The following GALNT13 variants were observed in gnomAD, a reference collection of about 807,000 sequenced individuals.
The protein encoded by GALNT13 is polypeptide N-acetylgalactosaminyltransferase 13, also known as UDP-GalNAc:polypeptide N-acetylgalactosaminyltransferase 13.
In GALNT13, 28 loss-of-function variants were observed where a neutral mutation model predicts 64.2. The observed-to-expected ratio is 0.44, with a 90% CI of 0.32 to 0.60. The LOEUF (loss-of-function observed/expected upper bound fraction) is 0.60. GALNT13 is among the 20% of genes least tolerant of loss of function. The pLI is 0.05. For synonymous variants in GALNT13, 214 were observed against 224.6 expected, an observed-to-expected ratio of 0.95 and a Z score of 0.42; for missense variants, 577 against 669.8, an observed-to-expected ratio of 0.86 and a Z score of 1.53.
chr2:154,272,123 C>T (rs988565857), intron 8 of GALNT13, among the ~76,000 whole-genome samples: 1 of 151,662 alleles, frequency 6.6e-6, no homozygotes, highest in Non-Finnish European at 1.5e-5. Context: ...AGGGCTTATC[C>T]AGAAATACAC....
chr2:153,848,828 T>C, the GALNT13 span, among the ~76,000 whole-genome samples: 1 of 151,750 alleles, frequency 6.6e-6, no homozygotes, highest in African/African-American at 2.4e-5. Context: ...ATTGAAAACC[T>C]TTCCACAAAG....
At chr2:154,383,560 G>C (rs1698374408) in intron 9 of GALNT13, among the ~76,000 whole-genome samples, 1 of 151,792 alleles carries the variant, frequency 6.6e-6, no homozygotes, top group Non-Finnish European at 1.5e-5. Context: ...TAGTCTTCCT[G>C]GGTCATACTG....
At chr2:153,332,537 T>TG in the GALNT13 span, among the ~76,000 whole-genome samples, 4 of 151,298 alleles carry the variant, frequency 2.6e-5, no homozygotes, top group Admixed American at 6.6e-5. Flanking sequence ...GAGTATTGTT[T>TG]TTTTTTTTTT....
intron 3 of GALNT13, among the ~76,000 whole-genome samples, chr2:154,004,068 T>C (rs2105228550): frequency 6.6e-6 from 1 of 152,340 alleles, no homozygotes; most frequent in Admixed American, 6.5e-5. Flanking sequence ...CTAATACCTT[T>C]CATTAGACCT....
the GALNT13 span, among the ~76,000 whole-genome samples, chr2:153,789,725 C>T: frequency 0.24 from 35,774 of 151,974 alleles, 4,516 homozygotes; most frequent in Non-Finnish European, 0.28. Flanking sequence ...TCCAAATAAA[C>T]ACCATCAGAA....
chr2:154,187,779 T>G (rs754029272), intron 4 of GALNT13, among the ~76,000 whole-genome samples: 3 of 152,142 alleles, frequency 2.0e-5, no homozygotes, highest in Admixed American at 6.5e-5. Context: ...TACAAAATAT[T>G]AAAATGGCAT....
chr2:154,439,041 A>G (rs1701146079), intron 12 of GALNT13, among the ~76,000 whole-genome samples: 1 of 152,166 alleles, frequency 6.6e-6, no homozygotes. Context: ...TTGTATGAAG[A>G]TGTGCATACA....
intron 9 of GALNT13, among the ~76,000 whole-genome samples, chr2:154,385,932 A>C (rs1319165816): frequency 6.6e-6 from 1 of 152,074 alleles, no homozygotes. Context: ...GAGTCCACAA[A>C]AGAAATTACT....
chr2:154,427,679 T>G (rs2105440242), intron 11 of GALNT13, among the ~76,000 whole-genome samples: 1 of 152,260 alleles, frequency 6.6e-6, no homozygotes, highest in East Asian at 1.9e-4. Context: ...TTTAGAGCAT[T>G]AAAGCTGTAA....
intron 9 of GALNT13, among the ~76,000 whole-genome samples, chr2:154,373,194 T>C (rs1697797837): frequency 6.6e-6 from 1 of 152,168 alleles, no homozygotes. Flanking sequence ...TTATTCCAGA[T>C]GCTAAGATTA....
chr2:154,038,751 A>C (rs1292259472), intron 3 of GALNT13, among the ~76,000 whole-genome samples: 1 of 152,146 alleles, frequency 6.6e-6, no homozygotes, highest in Non-Finnish European at 1.5e-5. Context: ...TCAAAACAAA[A>C]ATCAGCAAAA....
chr2:154,409,746 T>C (rs1448199741), intron 11 of GALNT13, among the ~76,000 whole-genome samples: 1 of 151,968 alleles, frequency 6.6e-6, no homozygotes, highest in East Asian at 1.9e-4. Flanking sequence ...TTGAGGTAGC[T>C]AATCCTCTGT....
At chr2:154,107,481 T>C (rs1443433635) in intron 3 of GALNT13, among the ~76,000 whole-genome samples, 1 of 151,200 alleles carries the variant, frequency 6.6e-6, no homozygotes, top group African/African-American at 2.4e-5. Context: ...TCCCAGCTAC[T>C]TGGGAGGCTG....
At chr2:153,629,198 T>C in the GALNT13 span, among the ~76,000 whole-genome samples, 4 of 112,166 alleles carry the variant, frequency 3.6e-5, no homozygotes, top group Non-Finnish European at 6.9e-5. Context: ...TGATATCCCC[T>C]TTATCATTTT....
At chr2:153,127,302 G>A in the GALNT13 span, among the ~76,000 whole-genome samples, 3 of 152,112 alleles carry the variant, frequency 2.0e-5, no homozygotes, top group South Asian at 2.1e-4. Context: ...TGAGAAATTC[G>A]AGGCATTTGG....
chr2:154,223,772 C>T (rs1244433712), intron 4 of GALNT13, among the ~76,000 whole-genome samples: 1 of 152,042 alleles, frequency 6.6e-6, no homozygotes, highest in Non-Finnish European at 1.5e-5. Flanking sequence ...GTGGTAATAG[C>T]TGCTCTTAAC....
At chr2:153,241,657 A>ATGTGTG in the GALNT13 span, among the ~76,000 whole-genome samples, 91 of 150,860 alleles carry the variant, frequency 6.0e-4, no homozygotes, top group South Asian at 2.3e-3. Context: ...CTGTGTGTGT[A>ATGTGTG]TGTGTATGTG....
chr2:153,946,962 G>A (rs1242792063), intron 3 of GALNT13, among the ~76,000 whole-genome samples: 2 of 150,754 alleles, frequency 1.3e-5, no homozygotes, highest in Non-Finnish European at 3.0e-5. Context: ...GTACCTAACT[G>A]AAATTTTCAC....
chr2:154,415,732 CTTAA>C (rs1217105067), intron 11 of GALNT13, among the ~76,000 whole-genome samples: 3 of 152,056 alleles, frequency 2.0e-5, no homozygotes, highest in Non-Finnish European at 2.9e-5. Flanking sequence ...CTAGAGAAAG[CTTAA>C]TTATTTTATT....
Sources: gnomAD v4.1 joint callset for allele counts (sites outside exome capture counted in the v4.1 genomes callset) on GRCh38, gnomAD v4.1.1 for gene constraint, MANE v1.5 for transcripts, NCBI Gene and HGNC (gene_info 2026-07-23, HGNC 2026-07-21) for gene names.